DDX10: variants seen among roughly 807,000 people sequenced by gnomAD.
DDX10 encodes the protein probable ATP-dependent RNA helicase DDX10.
DDX10 carries 74 observed loss-of-function variants against 104.3 expected under a neutral mutation model. The ratio of observed to expected loss-of-function variants is 0.71; its 90% CI spans 0.59 to 0.86. The LOEUF is 0.86. DDX10 is among the 40% of genes least tolerant of loss of function. The pLI is 0.00. For synonymous variants in DDX10, 351 were observed against 353.4 expected (o/e 0.99, Z 0.08); for missense variants, 952 against 1,040.0 (o/e 0.92, Z 1.16).
intron 15 of DDX10, among the ~76,000 whole-genome samples, chr11:108,843,338 T>G (rs554921183): frequency 6.7e-6 from 1 of 149,302 alleles, no homozygotes; most frequent in South Asian, 2.1e-4. Flanking sequence ...AGATTATAAT[T>G]AAGTCTTAGT....
intron 13 of DDX10, among the ~76,000 whole-genome samples, chr11:108,792,789 G>T (rs941832719): frequency 6.6e-6 from 1 of 152,174 alleles, no homozygotes; most frequent in Admixed American, 6.5e-5. Context: ...TGAAAAGATT[G>T]CTAGAATTCT....
At chr11:108,849,483 G>A (rs1183881345) in intron 15 of DDX10, among the ~76,000 whole-genome samples, 1 of 152,056 alleles carries the variant, frequency 6.6e-6, no homozygotes, top group Non-Finnish European at 1.5e-5. Context: ...TTTCATGGTA[G>A]TTTCTTTTCT....
intron 16 of DDX10, among the ~76,000 whole-genome samples, chr11:108,874,510 A>G (rs1410441849): frequency 1.3e-5 from 2 of 152,122 alleles, no homozygotes; most frequent in Non-Finnish European, 1.5e-5. Flanking sequence ...CGTTAGCATG[A>G]CAGTTACTTT....
At chr11:108,878,178 C>G (rs1211883162) in intron 16 of DDX10, among the ~76,000 whole-genome samples, 2 of 152,096 alleles carry the variant, frequency 1.3e-5, no homozygotes, top group African/African-American at 4.8e-5. Flanking sequence ...AGTGTAATGA[C>G]TTTCCATTTC....
chr11:108,854,352 T>C (rs1565299394), intron 16 of DDX10, among the ~76,000 whole-genome samples: 1 of 152,238 alleles, frequency 6.6e-6, no homozygotes, highest in Non-Finnish European at 1.5e-5. Flanking sequence ...GTGCATGTGC[T>C]TTAAATGACA....
chr11:108,775,816 T>C (rs2134532418), intron 13 of DDX10, among the ~76,000 whole-genome samples: 1 of 152,348 alleles, frequency 6.6e-6, no homozygotes, highest in South Asian at 2.1e-4. Flanking sequence ...CCCTGTGCCC[T>C]TTCCAGCCCC....
At chr11:108,677,064 T>A in intron 3 of DDX10, 21 bp from the exon 4 acceptor site, 1 of 1,587,500 alleles carries the variant, frequency 6.3e-7, no homozygotes, top group Non-Finnish European at 8.6e-7. Flanking sequence ...TTACTGAACA[T>A]GAATTTGCTG....
intron 13 of DDX10, among the ~76,000 whole-genome samples, chr11:108,730,999 CAGT>C (rs1284271964): frequency 1.3e-5 from 2 of 151,866 alleles, no homozygotes; most frequent in African/African-American, 2.4e-5. Flanking sequence ...TGTGCACAAA[CAGT>C]AGAGTTGAAT....
intron 14 of DDX10, among the ~76,000 whole-genome samples, chr11:108,839,561 T>TA (rs1159667846): frequency 6.6e-6 from 1 of 152,222 alleles, no homozygotes. Flanking sequence ...TCATATTAAC[T>TA]AATGTAGCAC....
intron 3 of DDX10, 31 bp downstream of exon 3, chr11:108,675,757 T>C: frequency 1.9e-6 from 3 of 1,609,010 alleles, no homozygotes; most frequent in Non-Finnish European, 2.5e-6. Flanking sequence ...TCAGACTGTC[T>C]GTTATACAAT....
chr11:108,861,868 C>A (rs530803748), intron 16 of DDX10, among the ~76,000 whole-genome samples: 318 of 152,174 alleles, frequency 2.1e-3, no homozygotes, highest in South Asian at 3.7e-3. Context: ...CTAAAAAATA[C>A]AAAAGAAATT....
chr11:108,900,479 A>G (rs1000273879), intron 16 of DDX10, among the ~76,000 whole-genome samples: 1 of 152,174 alleles, frequency 6.6e-6, no homozygotes, highest in African/African-American at 2.4e-5. Context: ...AACACAAACA[A>G]TGGCTACTGC....
intron 13 of DDX10, among the ~76,000 whole-genome samples, chr11:108,772,047 A>G (rs945056163): frequency 2.0e-5 from 3 of 152,232 alleles, no homozygotes; most frequent in African/African-American, 7.2e-5. Context: ...TGCCCATGCA[A>G]AAAGGTTGTA....
chr11:108,938,502 A>G lies in DDX10; in HGVS notation c.2451-1744A>G, dbSNP rs114329684. 8.0e-3 allele frequency among the ~76,000 whole-genome samples: 1,226 copies of G among 152,328 alleles called. 14 individuals carry two copies. The highest frequency in any genetic ancestry group is 0.028 in the African/African-American group (1,171 of 41,562). On this transcript the variant is annotated intron_variant, in intron 17 of 17. Transcript: ENST00000322536. ...AAATACCAGTATTCCCTTGAACCAA[A>G]TAGATCCTGGCACTATAACCCTGTG...
intron 10 of DDX10, among the ~76,000 whole-genome samples, chr11:108,713,966 C>T (rs1384220542): frequency 6.6e-6 from 1 of 152,174 alleles, no homozygotes; most frequent in Non-Finnish European, 1.5e-5. Context: ...TTGGGCATTT[C>T]CCTCCCCTCA....
intron 13 of DDX10, among the ~76,000 whole-genome samples, chr11:108,779,513 A>G (rs1328576208): frequency 6.6e-6 from 1 of 151,884 alleles, no homozygotes. Context: ...AGGGTGGGGA[A>G]CATCACACAC....
chr11:108,728,541 G>T (rs2094308121), intron 13 of DDX10, among the ~76,000 whole-genome samples: 1 of 136,794 alleles, frequency 7.3e-6, no homozygotes, highest in South Asian at 2.2e-4. Flanking sequence ...TAGAAATAGG[G>T]TCTCGCTCTG....
chr11:108,919,190 A>G (rs1413004259), intron 17 of DDX10: 1 of 152,172 alleles, frequency 6.6e-6, no homozygotes, highest in Non-Finnish European at 1.5e-5. Context: ...AGAAACTTCC[A>G]TTTGCTGTTG....
chr11:108,830,383 G>A (rs938330726), intron 13 of DDX10, among the ~76,000 whole-genome samples: 2 of 152,028 alleles, frequency 1.3e-5, no homozygotes, highest in African/African-American at 4.8e-5. Context: ...GTATAGCAGT[G>A]CTACTTTAAT....
Sources: gnomAD v4.1 joint callset for allele counts (sites outside exome capture counted in the v4.1 genomes callset) on GRCh38, gnomAD v4.1.1 for gene constraint, MANE v1.5 for transcripts, NCBI Gene and HGNC (gene_info 2026-07-23, HGNC 2026-07-21) for gene names.